The following AFG2A variants were observed in gnomAD, a reference collection of about 807,000 sequenced individuals.
AFG2A encodes AAA ATPase AFG2A.
chr4:123,148,288 A>G, the AFG2A span, among the ~76,000 whole-genome samples: 1 of 152,210 alleles, frequency 6.6e-6, no homozygotes, highest in East Asian at 1.9e-4. Context: ...CGTGTGCATA[A>G]TGATTGAGAC....
the AFG2A span, among the ~76,000 whole-genome samples, chr4:123,088,334 G>A: frequency 6.6e-6 from 1 of 152,106 alleles, no homozygotes; most frequent in African/African-American, 2.4e-5. Context: ...GTTTTTTCTG[G>A]TATAGAATCA....
At chr4:123,118,254 CA>C in the AFG2A span, among the ~76,000 whole-genome samples, 73,727 of 140,512 alleles carry the variant, frequency 0.52, 20,356 homozygotes, top group Non-Finnish European at 0.62. Context: ...TTAACACAAA[CA>C]AAAAAATATG....
the AFG2A span, chr4:123,256,890 T>TTA: frequency 1.0e-6 from 1 of 970,504 alleles, no homozygotes; most frequent in Non-Finnish European, 1.2e-6. Flanking sequence ...GCAACTTTTC[T>TTA]AGCTGCATTT....
the AFG2A span, among the ~76,000 whole-genome samples, chr4:123,178,957 G>A: frequency 1.3e-5 from 2 of 152,074 alleles, no homozygotes; most frequent in Non-Finnish European, 2.9e-5. Flanking sequence ...TTATTGAAAG[G>A]TACTTGATCT....
the AFG2A span, among the ~76,000 whole-genome samples, chr4:123,224,759 A>T: frequency 6.6e-6 from 1 of 152,248 alleles, no homozygotes; most frequent in African/African-American, 2.4e-5. Context: ...TGGTATTTCT[A>T]GTTCTAGATC....
At chr4:123,126,479 T>G in the AFG2A span, among the ~76,000 whole-genome samples, 1 of 152,194 alleles carries the variant, frequency 6.6e-6, no homozygotes, top group African/African-American at 2.4e-5. Flanking sequence ...TCAGAGAGAT[T>G]GATACAGTTT....
chr4:123,257,602 A>G, the AFG2A span, among the ~76,000 whole-genome samples: 148 of 152,264 alleles, frequency 9.7e-4, no homozygotes, highest in African/African-American at 3.4e-3. Context: ...CTCCTCTGAA[A>G]CAGTGATCTT....
chr4:123,129,324 A>G, the AFG2A span, among the ~76,000 whole-genome samples: 1 of 152,346 alleles, frequency 6.6e-6, no homozygotes, highest in Non-Finnish European at 1.5e-5. Context: ...ATTAGGAGAT[A>G]AGGTAATAGC....
the AFG2A span, among the ~76,000 whole-genome samples, chr4:123,261,040 C>T: frequency 6.6e-6 from 1 of 152,106 alleles, no homozygotes; most frequent in East Asian, 1.9e-4. Context: ...GTTGTGTGCT[C>T]CCTATGAGAA....
the AFG2A span, among the ~76,000 whole-genome samples, chr4:123,034,307 T>TAC: frequency 6.6e-6 from 1 of 152,068 alleles, no homozygotes; most frequent in Non-Finnish European, 1.5e-5. Flanking sequence ...TGACTATATA[T>TAC]ACCCTTGGAT....
At chr4:122,995,167 T>A in the AFG2A span, among the ~76,000 whole-genome samples, 1 of 152,162 alleles carries the variant, frequency 6.6e-6, no homozygotes, top group African/African-American at 2.4e-5. Context: ...CATTTTATAT[T>A]TTATTTTTTT....
chr4:123,305,852 T>A, the AFG2A span, among the ~76,000 whole-genome samples: 18 of 152,274 alleles, frequency 1.2e-4, no homozygotes, highest in East Asian at 7.7e-4. Context: ...AGAGGTTTCA[T>A]TTTTTTCCAC....
the AFG2A span, among the ~76,000 whole-genome samples, chr4:123,080,958 A>C: frequency 1.3e-5 from 2 of 150,980 alleles, no homozygotes; most frequent in African/African-American, 4.9e-5. Flanking sequence ...TTTTTTTTAG[A>C]GTAGTTTTGG....
chr4:123,181,376 G>C, the AFG2A span, among the ~76,000 whole-genome samples: 1 of 151,988 alleles, frequency 6.6e-6, no homozygotes, highest in Non-Finnish European at 1.5e-5. Context: ...ACTTTGGGAG[G>C]CAAGGTGGAC....
the AFG2A span, among the ~76,000 whole-genome samples, chr4:123,095,391 G>C: frequency 6.6e-6 from 1 of 151,968 alleles, no homozygotes; most frequent in Non-Finnish European, 1.5e-5. Context: ...AAATACAAGA[G>C]AATATGCAGT....
chr4:123,138,242 G>A, the AFG2A span, among the ~76,000 whole-genome samples: 1 of 152,076 alleles, frequency 6.6e-6, no homozygotes, highest in African/African-American at 2.4e-5. Flanking sequence ...AGATTTCATT[G>A]CCCCAGGTAA....
At chr4:122,992,852 A>G in the AFG2A span, among the ~76,000 whole-genome samples, 10 of 152,322 alleles carry the variant, frequency 6.6e-5, no homozygotes, top group East Asian at 1.9e-3. Flanking sequence ...TCTTTACAGC[A>G]TGAATCCTTA....
the AFG2A span, among the ~76,000 whole-genome samples, chr4:122,940,009 A>C: frequency 6.6e-6 from 1 of 152,008 alleles, no homozygotes; most frequent in Non-Finnish European, 1.5e-5. Context: ...TATGTGCCAC[A>C]TTTTCTTAAT....
chr4:123,028,262 A>G, the AFG2A span: 6 of 1,614,056 alleles, frequency 3.7e-6, no homozygotes, highest in African/African-American at 5.3e-5. Flanking sequence ...CCCTTAAAAC[A>G]TCCAGAGTCT....
Sources: allele counts gnomAD v4.1 joint callset (sites outside exome capture counted in the v4.1 genomes callset), GRCh38; gene constraint gnomAD v4.1.1; transcripts MANE v1.5; gene names NCBI Gene and HGNC (gene_info 2026-07-23, HGNC 2026-07-21).